Variants in FBXL20 observed in about 807,000 individuals in gnomAD.
FBXL20 encodes F-box and leucine rich repeat protein 20, also known as F-box/LRR-repeat protein 20.
FBXL20 carries 11 observed loss-of-function variants against 64.0 expected under a neutral mutation model. That is an observed-to-expected ratio of 0.17 (90% CI 0.11 to 0.28). FBXL20 has a LOEUF of 0.28. Ranked by LOEUF, FBXL20 falls within the 10% of genes least tolerant of loss-of-function variation. The pLI, the probability that FBXL20 is intolerant of heterozygous loss-of-function variation, is 1.00. For missense variants in FBXL20, 303 were observed against 526.2 expected (o/e 0.58, Z 4.15); for synonymous variants, 184 against 189.0 (o/e 0.97, Z 0.22).
At chr17:39,399,731 A>G (rs1657996851) in intron 1 of FBXL20, among the ~76,000 whole-genome samples, 1 of 152,016 alleles carries the variant, frequency 6.6e-6, no homozygotes, top group African/African-American at 2.4e-5. Flanking sequence ...TTTCCTTATT[A>G]CTTTATTATA....
chr17:39,275,461 G>A (rs1480639636), intron 9 of FBXL20, among the ~76,000 whole-genome samples: 2 of 151,868 alleles, frequency 1.3e-5, no homozygotes, highest in Non-Finnish European at 2.9e-5. Context: ...ACCCAGGCTG[G>A]AGTGCAGTGG....
chr17:39,336,484 T>TA (rs2047522993), intron 2 of FBXL20, among the ~76,000 whole-genome samples: 1 of 152,116 alleles, frequency 6.6e-6, no homozygotes, highest in Non-Finnish European at 1.5e-5. Flanking sequence ...ACACTAACTA[T>TA]AAATAGAACA....
intron 1 of FBXL20, among the ~76,000 whole-genome samples, chr17:39,378,931 A>T (rs1039358993): frequency 2.7e-5 from 4 of 147,482 alleles, no homozygotes; most frequent in Middle Eastern, 3.4e-3. Context: ...TATAATTTTT[A>T]AAAAAACGAA....
Position 39,273,258 on chromosome 17 carries a change from C to T in FBXL20, c.827+1712G>A, listed in dbSNP as rs182787292. Among the ~76,000 whole-genome samples, 331 of 152,098 alleles carry T rather than the reference C, an allele frequency of 2.2e-3. 1 individual carries two copies. The highest frequency in any genetic ancestry group is 7.7e-3 in the African/African-American group (320 of 41,512). On this transcript the variant is annotated intron_variant, in intron 10 of 14. Coordinates refer to ENST00000264658, the MANE Select transcript of FBXL20 (RefSeq NM_032875.3). The stretch of plus-strand genomic sequence containing the variant: ...CTCAAACTCCTGACCTCAGATGATC[C>T]GCCCGCCTCAGCCTCCCAAAGTGTT...
chr17:39,357,674 T>A (rs2047755549), intron 1 of FBXL20, among the ~76,000 whole-genome samples: 1 of 152,170 alleles, frequency 6.6e-6, no homozygotes, highest in Admixed American at 6.6e-5. Flanking sequence ...CCTCCCAACG[T>A]GTTGCGACTA....
At chr17:39,314,140 AT>A in intron 2 of FBXL20, among the ~76,000 whole-genome samples, 1 of 152,224 alleles carries the variant, frequency 6.6e-6, no homozygotes, top group Admixed American at 6.6e-5. Context: ...TTATTTCTCT[AT>A]AGATTTGCCT....
intron 1 of FBXL20, among the ~76,000 whole-genome samples, chr17:39,363,248 A>G (rs2047817303): frequency 6.6e-6 from 1 of 151,774 alleles, no homozygotes; most frequent in Non-Finnish European, 1.5e-5. Context: ...TCCCAACCTC[A>G]GGTGATCCAC....
At chr17:39,389,858 G>C (rs1208190771) in intron 1 of FBXL20, among the ~76,000 whole-genome samples, 1 of 152,092 alleles carries the variant, frequency 6.6e-6, no homozygotes, top group Non-Finnish European at 1.5e-5. Context: ...TTTAATGTCT[G>C]TGTTTAATCA....
chr17:39,262,652 T>A (rs868419346), intron 14 of FBXL20, among the ~76,000 whole-genome samples: 3 of 151,860 alleles, frequency 2.0e-5, no homozygotes, highest in Admixed American at 1.3e-4. Flanking sequence ...GATGTTCCAA[T>A]AAACATCTGT....
intron 11 of FBXL20, among the ~76,000 whole-genome samples, chr17:39,269,138 T>C (rs1461099970): frequency 6.6e-6 from 1 of 151,848 alleles, no homozygotes; most frequent in East Asian, 1.9e-4. Context: ...AGCCTCCCAA[T>C]TAGCTGGGAC....
At chr17:39,391,725 G>GA (rs1297898325) in intron 1 of FBXL20, among the ~76,000 whole-genome samples, 2 of 151,672 alleles carry the variant, frequency 1.3e-5, no homozygotes, top group African/African-American at 4.8e-5. Flanking sequence ...AAAACAAGAT[G>GA]AAAAAACATT....
chr17:39,261,352 T>C lies in FBXL20; in HGVS notation c.*108A>G. ...GATCTGGACACTGCCCTCCCTCACT[T>C]TGTAACCCTTGCTCAGAACACTGGG... On this transcript the variant is annotated 3_prime_UTR_variant, in exon 15 of 15. Coordinates refer to ENST00000264658, the MANE Select transcript of FBXL20 (RefSeq NM_032875.3). 1.1e-6 allele frequency: 1 copy of C among 905,352 alleles called. No individual in the cohort carries two copies. The highest frequency in any genetic ancestry group is 1.8e-6 in the Non-Finnish European group (1 of 542,200). The allele number at this position is 905,352 out of a possible 1,614,324, so 56.1% of individuals were successfully genotyped here. A position where few individuals can be genotyped will look rare whatever the true frequency, so the allele number is the denominator to read the frequency against.
intron 1 of FBXL20, among the ~76,000 whole-genome samples, chr17:39,349,974 A>T (rs1567891664): frequency 6.6e-6 from 1 of 151,916 alleles, no homozygotes; most frequent in African/African-American, 2.4e-5. Context: ...ACTTTGTTTC[A>T]TGCCCAAAAA....
At chr17:39,395,339 GC>G (rs1299504618) in intron 1 of FBXL20, among the ~76,000 whole-genome samples, 1 of 152,166 alleles carries the variant, frequency 6.6e-6, no homozygotes, top group African/African-American at 2.4e-5. Flanking sequence ...CAGGAGAATC[GC>G]TTGAACCTGG....
intron 4 of FBXL20, among the ~76,000 whole-genome samples, chr17:39,299,727 G>T (rs1485524666): frequency 6.6e-6 from 1 of 152,048 alleles, no homozygotes; most frequent in Non-Finnish European, 1.5e-5. Context: ...CTTGTAGTGA[G>T]CCCAGGTCTT....
chr17:39,272,730 GAAAGAAAGAAAGAA>G (rs977467404), intron 10 of FBXL20, among the ~76,000 whole-genome samples: 10 of 145,386 alleles, frequency 6.9e-5, no homozygotes, highest in African/African-American at 1.5e-4. Flanking sequence ...AAGAAAGAAA[GAAAGAAAGAAAGAA>G]AAAGAAAGAA....
At chr17:39,287,160 C>G (rs1178837074) in intron 6 of FBXL20, among the ~76,000 whole-genome samples, 2 of 152,080 alleles carry the variant, frequency 1.3e-5, no homozygotes, top group East Asian at 1.9e-4. Flanking sequence ...ATCTGCCCGC[C>G]TCGGCCTCCC....
intron 1 of FBXL20, among the ~76,000 whole-genome samples, chr17:39,352,788 A>G (rs1472984267): frequency 6.6e-6 from 1 of 152,152 alleles, no homozygotes; most frequent in Non-Finnish European, 1.5e-5. Flanking sequence ...AGGAAATTAA[A>G]AGCTCTGACC....
chr17:39,299,607 C>T (rs1044061457), intron 4 of FBXL20, among the ~76,000 whole-genome samples: 1 of 151,834 alleles, frequency 6.6e-6, no homozygotes, highest in African/African-American at 2.4e-5. Flanking sequence ...CGGTGAAACC[C>T]CATCTCTACT....
Sources: allele counts gnomAD v4.1 joint callset (sites outside exome capture counted in the v4.1 genomes callset), GRCh38; gene constraint gnomAD v4.1.1; transcripts MANE v1.5; gene names NCBI Gene and HGNC (gene_info 2026-07-23, HGNC 2026-07-21).